BBS9: variants seen among roughly 807,000 people sequenced by gnomAD.
The protein encoded by BBS9 is Bardet-Biedl syndrome 9, also known as protein PTHB1.
In BBS9, 89 loss-of-function variants were observed where a neutral mutation model predicts 117.7. The observed-to-expected ratio is 0.76, with a 90% CI of 0.64 to 0.90. The LOEUF (loss-of-function observed/expected upper bound fraction) is 0.90, where lower values mean the gene tolerates loss of function less well. Ranked by LOEUF, BBS9 falls within the 40% of genes least tolerant of loss-of-function variation. The pLI, the probability that BBS9 is intolerant of heterozygous loss-of-function variation, is 0.00. For synonymous variants in BBS9, 379 were observed against 370.9 expected (o/e 1.02, Z -0.25); for missense variants, 982 against 1,042.2 (o/e 0.94, Z 0.80).
intron 5 of BBS9, among the ~76,000 whole-genome samples, chr7:33,209,507 T>G (rs1295954485): frequency 1.3e-5 from 2 of 152,178 alleles, no homozygotes; most frequent in African/African-American, 4.8e-5. Flanking sequence ...TTTGATTTTT[T>G]GTGGAACTTC....
At chr7:33,543,373 A>G (rs1852729969) in intron 21 of BBS9, among the ~76,000 whole-genome samples, 1 of 151,400 alleles carries the variant, frequency 6.6e-6, no homozygotes, top group African/African-American at 2.4e-5. Context: ...TGTCAGATGT[A>G]TAGATTGTGA....
chr7:33,439,373 A>G (rs1397742271), intron 19 of BBS9, among the ~76,000 whole-genome samples: 1 of 152,024 alleles, frequency 6.6e-6, no homozygotes, highest in Non-Finnish European at 1.5e-5. Context: ...ATTTTACTAT[A>G]TTAATTTGGG....
At chr7:33,407,613 G>A (rs925359712) in intron 19 of BBS9, among the ~76,000 whole-genome samples, 3 of 152,024 alleles carry the variant, frequency 2.0e-5, no homozygotes, top group Admixed American at 6.6e-5. Context: ...TGGGTTTTTC[G>A]TGTGGATGTC....
intron 9 of BBS9, among the ~76,000 whole-genome samples, chr7:33,333,640 G>A (rs768328564): frequency 1.1e-4 from 16 of 150,748 alleles, no homozygotes; most frequent in Non-Finnish European, 1.8e-4. Flanking sequence ...TTTTGAGACC[G>A]AGTCTTGCTG....
intron 1 of BBS9, among the ~76,000 whole-genome samples, chr7:33,140,537 A>G (rs2128078019): frequency 6.6e-6 from 1 of 152,252 alleles, no homozygotes; most frequent in East Asian, 1.9e-4. Context: ...AATTTGGGTA[A>G]TATTTTGCTC....
At chr7:33,218,938 C>T (rs570585884) in intron 5 of BBS9, among the ~76,000 whole-genome samples, 1 of 152,362 alleles carries the variant, frequency 6.6e-6, no homozygotes, top group South Asian at 2.1e-4. Context: ...TGGCCAAGGC[C>T]AGAGCTGGCT....
In BBS9 at chr7:33,243,575, A is replaced by G. The variant is rs555266359; in HGVS notation, c.443-13661A>G. Among the ~76,000 whole-genome samples the G allele has an allele frequency of 8.5e-5, 13 of 152,304 alleles. No homozygotes were observed. The South Asian group carries it at 2.7e-3, about 32-fold the overall frequency. On this transcript the variant is annotated intron_variant, in intron 5 of 22. Coordinates refer to ENST00000242067, the MANE Select transcript of BBS9 (RefSeq NM_198428.3). Reference sequence around the variant, plus strand: ...GAGATTTTAACAAGTCAGAATATTTATGGAAAATGTCTGTTTCCTCACCTA... The same window carrying G: ...GAGATTTTAACAAGTCAGAATATTTGTGGAAAATGTCTGTTTCCTCACCTA...
intron 20 of BBS9, among the ~76,000 whole-genome samples, chr7:33,506,768 T>C (rs1846208343): frequency 6.6e-6 from 1 of 152,160 alleles, no homozygotes; most frequent in Non-Finnish European, 1.5e-5. Context: ...TATTAATAAG[T>C]AAATTGGAAA....
rs746901030 is a variant in BBS9, at chr7:33,383,659, C to T, written c.1790-7C>T. 8 of 1,597,618 alleles carry T rather than the reference C, an allele frequency of 5.0e-6. No individual in the cohort carries two copies. The highest frequency in any genetic ancestry group is 6.8e-6 in the Non-Finnish European group (8 of 1,169,642). On this transcript the variant is annotated splice_region_variant and splice_polypyrimidine_tract_variant and intron_variant, in intron 17 of 22. Transcript: ENST00000242067. Reference sequence around the variant, plus strand: ...CTAAGCATTTTTCCTTAATTTTTTTCTCTCAGAACGATATCGCATTCAGAG... The same window carrying T: ...CTAAGCATTTTTCCTTAATTTTTTTTTCTCAGAACGATATCGCATTCAGAG...
intron 10 of BBS9, among the ~76,000 whole-genome samples, chr7:33,338,512 T>G (rs926700102): frequency 7.2e-5 from 11 of 152,170 alleles, no homozygotes; most frequent in Non-Finnish European, 1.5e-4. Flanking sequence ...GTTCAGTACT[T>G]AAAGCTTTTA....
chr7:33,577,832 C>T (rs1859188082), intron 21 of BBS9, among the ~76,000 whole-genome samples: 1 of 152,150 alleles, frequency 6.6e-6, no homozygotes. Context: ...TGTTCTCACT[C>T]ACAGGTGAGA....
chr7:33,375,614 G>C (rs1409707949), intron 17 of BBS9, among the ~76,000 whole-genome samples: 1 of 129,068 alleles, frequency 7.7e-6, no homozygotes, highest in African/African-American at 3.1e-5. Context: ...TTTTTTTTGA[G>C]ACAGAGTCTT....
chr7:33,507,693 G>C (rs540812600), intron 20 of BBS9, among the ~76,000 whole-genome samples: 3 of 152,356 alleles, frequency 2.0e-5, no homozygotes, highest in South Asian at 4.1e-4. Context: ...ATGAAGGAAA[G>C]GGTGAAAACT....
chr7:33,246,118 A>C (rs534967838), intron 5 of BBS9, among the ~76,000 whole-genome samples: 2 of 152,292 alleles, frequency 1.3e-5, no homozygotes, highest in African/African-American at 4.8e-5. Context: ...CTTAGAAGAA[A>C]CCAAGGACAT....
chr7:33,456,209 A>C (rs1376351401), intron 19 of BBS9, among the ~76,000 whole-genome samples: 1 of 152,200 alleles, frequency 6.6e-6, no homozygotes, highest in Non-Finnish European at 1.5e-5. Context: ...TGTACATTTA[A>C]ACAAATTTGA....
In BBS9 at chr7:33,219,300, C is replaced by T. The variant is rs141087686; in HGVS notation, c.443-37936C>T. 1.3e-3 allele frequency among the ~76,000 whole-genome samples: 205 copies of T among 152,296 alleles called. 3 individuals carry two copies. In the East Asian group the frequency reaches 0.032, roughly 24 times the overall value. On this transcript the variant is annotated intron_variant, in intron 5 of 22. Transcript: ENST00000242067. ...TGTGCGGCCGAGCTTCCCCGGTGAG[C>T]GCCGCCCCGTGCTCCACCGCGGCCG...
chr7:33,277,113 G>T, intron 9 of BBS9: 2 of 202,016 alleles, frequency 9.9e-6, no homozygotes, highest in East Asian at 1.2e-4. Flanking sequence ...TGTGGCTCTG[G>T]GATTAGTGTC....
chr7:33,184,423 T>TA (rs1798529094), intron 5 of BBS9, among the ~76,000 whole-genome samples: 1 of 130,722 alleles, frequency 7.6e-6, no homozygotes, highest in African/African-American at 3.0e-5. Context: ...TAACATCCCA[T>TA]AATGCCAAAT....
At chr7:33,471,678 C>T (rs1360683005) in intron 19 of BBS9, among the ~76,000 whole-genome samples, 1 of 152,206 alleles carries the variant, frequency 6.6e-6, no homozygotes, top group Non-Finnish European at 1.5e-5. Flanking sequence ...CTGTATAGAG[C>T]CCAACAGCCA....
Sources: allele counts gnomAD v4.1 joint callset (sites outside exome capture counted in the v4.1 genomes callset), GRCh38; gene constraint gnomAD v4.1.1; transcripts MANE v1.5; gene names NCBI Gene and HGNC (gene_info 2026-07-23, HGNC 2026-07-21).